The following EPCIP variants were observed in gnomAD, a reference collection of about 807,000 sequenced individuals.
EPCIP encodes exosomal polycystin 1 interacting protein, also known as exosomal polycystin-1-interacting protein.
the EPCIP span, among the ~76,000 whole-genome samples, chr21:32,802,609 T>A: frequency 6.6e-6 from 1 of 152,212 alleles, no homozygotes; most frequent in African/African-American, 2.4e-5. Context: ...AACTCCAGGC[T>A]CTTTGGATAA....
chr21:32,799,843 G>A, the EPCIP span, among the ~76,000 whole-genome samples: 1 of 152,200 alleles, frequency 6.6e-6, no homozygotes, highest in Non-Finnish European at 1.5e-5. Context: ...TCAGGAGGCT[G>A]AGGCACGAGA....
chr21:32,804,424 G>A, the EPCIP span, among the ~76,000 whole-genome samples: 1 of 151,712 alleles, frequency 6.6e-6, no homozygotes, highest in South Asian at 2.1e-4. Flanking sequence ...AGGATTATAG[G>A]CATGAGCCAC....
the EPCIP span, among the ~76,000 whole-genome samples, chr21:32,811,128 C>T: frequency 2.7e-5 from 4 of 150,196 alleles, no homozygotes; most frequent in African/African-American, 7.3e-5. Flanking sequence ...GATATTATGG[C>T]CCCCCCTCCC....
At chr21:32,806,934 G>C in the EPCIP span, among the ~76,000 whole-genome samples, 1 of 152,206 alleles carries the variant, frequency 6.6e-6, no homozygotes, top group East Asian at 1.9e-4. Flanking sequence ...ATGGTGGAAA[G>C]TGAGTCGTGT....
the EPCIP span, chr21:32,810,762 G>C: frequency 2.2e-6 from 1 of 444,984 alleles, no homozygotes; most frequent in Admixed American, 2.4e-5. Context: ...AGCTCTTTCT[G>C]AATGTCTAGT....
chr21:32,796,473 C>T, the EPCIP span, among the ~76,000 whole-genome samples: 9 of 151,424 alleles, frequency 5.9e-5, no homozygotes, highest in Non-Finnish European at 1.2e-4. Context: ...GAGAACATAG[C>T]AGAGAGAGAG....
the EPCIP span, among the ~76,000 whole-genome samples, chr21:32,803,927 C>T: frequency 1.4e-3 from 207 of 152,142 alleles, 1 homozygote; most frequent in Non-Finnish European, 4.3e-4. Flanking sequence ...GTTCATTGTG[C>T]GGGGCAGGAA....
At chr21:32,794,426 G>T in the EPCIP span, 7 of 1,609,282 alleles carry the variant, frequency 4.3e-6, no homozygotes, top group Non-Finnish European at 6.0e-6. Context: ...TGCCATGCTT[G>T]CCCAGCATGG....
At chr21:32,810,462 T>C in the EPCIP span, 1 of 338,792 alleles carries the variant, frequency 3.0e-6, no homozygotes, top group African/African-American at 2.2e-5. Flanking sequence ...GGGGTTTCAC[T>C]GTGTTAGCTA....
At chr21:32,811,570 C>T in the EPCIP span, among the ~76,000 whole-genome samples, 1 of 152,206 alleles carries the variant, frequency 6.6e-6, no homozygotes, top group Non-Finnish European at 1.5e-5. Flanking sequence ...GTGGAAATTA[C>T]AGCGCTATTT....
chr21:32,811,797 C>G, the EPCIP span, among the ~76,000 whole-genome samples: 1 of 152,180 alleles, frequency 6.6e-6, no homozygotes, highest in Non-Finnish European at 1.5e-5. Context: ...AGGGCGGTGC[C>G]CTCATGAATG....
At chr21:32,794,381 G>C in the EPCIP span, 4 of 1,614,226 alleles carry the variant, frequency 2.5e-6, no homozygotes, top group Non-Finnish European at 3.4e-6. Context: ...GACACCCAGA[G>C]TGCTGATCAG....
the EPCIP span, among the ~76,000 whole-genome samples, chr21:32,809,847 T>G: frequency 6.6e-6 from 1 of 152,268 alleles, no homozygotes; most frequent in East Asian, 1.9e-4. Context: ...TGACAGTTCT[T>G]GTTTGACTCA....
At chr21:32,803,898 T>C in the EPCIP span, among the ~76,000 whole-genome samples, 1 of 152,212 alleles carries the variant, frequency 6.6e-6, no homozygotes, top group South Asian at 2.1e-4. Context: ...ATCACTTCCC[T>C]TTCATTGTGG....
the EPCIP span, chr21:32,794,533 C>T: frequency 3.9e-6 from 4 of 1,022,556 alleles, no homozygotes; most frequent in Admixed American, 8.3e-5. Flanking sequence ...TTGAAATACA[C>T]AGCTTATGGA....
the EPCIP span, among the ~76,000 whole-genome samples, chr21:32,812,166 G>A: frequency 1.3e-3 from 191 of 152,330 alleles, 3 homozygotes; most frequent in East Asian, 0.033. Flanking sequence ...TGTGGCTACC[G>A]TACTTTTCTA....
chr21:32,810,770 A>G, the EPCIP span: 1 of 425,366 alleles, frequency 2.4e-6, no homozygotes. Flanking sequence ...CTGAATGTCT[A>G]GTAGACATCT....
the EPCIP span, among the ~76,000 whole-genome samples, chr21:32,791,786 T>A: frequency 6.6e-6 from 1 of 152,128 alleles, no homozygotes; most frequent in East Asian, 1.9e-4. Context: ...CCCCAGGATA[T>A]CCTGTTAAGT....
the EPCIP span, chr21:32,807,834 T>G: frequency 6.6e-6 from 1 of 152,274 alleles, no homozygotes; most frequent in African/African-American, 2.4e-5. Context: ...GAATGACATC[T>G]GGCAAAATCC....
Sources: gnomAD v4.1 joint callset for allele counts (sites outside exome capture counted in the v4.1 genomes callset) on GRCh38, gnomAD v4.1.1 for gene constraint, MANE v1.5 for transcripts, NCBI Gene and HGNC (gene_info 2026-07-23, HGNC 2026-07-21) for gene names.